PLXDC2: variants seen among roughly 807,000 people sequenced by gnomAD.
PLXDC2 encodes plexin domain-containing protein 2.
A neutral mutation model predicts 68.9 loss-of-function variants in PLXDC2; 40 were observed. That is an observed-to-expected ratio of 0.58 (90% confidence interval 0.45 to 0.76). The LOEUF is 0.76. Ranked by LOEUF, PLXDC2 falls within the 30% of genes least tolerant of loss-of-function variation. The pLI is 0.00. For missense variants in PLXDC2, 644 were observed against 661.9 expected, an observed-to-expected ratio of 0.97 and a Z score of 0.30; for synonymous variants, 243 against 234.2, an observed-to-expected ratio of 1.04 and a Z score of -0.34.
intron 1 of PLXDC2, among the ~76,000 whole-genome samples, chr10:19,915,153 A>G (rs1353889989): frequency 6.6e-6 from 1 of 152,094 alleles, no homozygotes; most frequent in Non-Finnish European, 1.5e-5. Flanking sequence ...CAACTCTGCC[A>G]TTTTAATATT....
intron 7 of PLXDC2, among the ~76,000 whole-genome samples, chr10:20,166,113 T>C (rs1339023899): frequency 6.6e-6 from 1 of 152,194 alleles, no homozygotes; most frequent in African/African-American, 2.4e-5. Flanking sequence ...TCTTTGGTTG[T>C]GACTTGAGGT....
At chr10:19,941,563 T>C (rs1005629544) in intron 1 of PLXDC2, among the ~76,000 whole-genome samples, 10 of 152,210 alleles carry the variant, frequency 6.6e-5, no homozygotes, top group African/African-American at 2.4e-4. Flanking sequence ...TGAACCTTTT[T>C]TAGGAATTCA....
At chr10:20,016,110 G>T (rs1026919123) in intron 2 of PLXDC2, among the ~76,000 whole-genome samples, 3 of 152,190 alleles carry the variant, frequency 2.0e-5, no homozygotes, top group Non-Finnish European at 4.4e-5. Context: ...GCCATGAAAT[G>T]ACTGGACTGT....
At chr10:20,002,892 C>A (rs1466772299) in intron 2 of PLXDC2, among the ~76,000 whole-genome samples, 4 of 151,968 alleles carry the variant, frequency 2.6e-5, no homozygotes, top group Non-Finnish European at 4.4e-5. Flanking sequence ...TGGCTTGGGG[C>A]CGAGAAGTTT....
intron 12 of PLXDC2, among the ~76,000 whole-genome samples, chr10:20,242,263 C>A (rs1835526344): frequency 6.6e-6 from 1 of 152,088 alleles, no homozygotes; most frequent in Non-Finnish European, 1.5e-5. Context: ...ATTTTAAGGG[C>A]AAAAACATAG....
chr10:20,035,611 G>C (rs868304576), intron 2 of PLXDC2, among the ~76,000 whole-genome samples: 2 of 152,008 alleles, frequency 1.3e-5, no homozygotes, highest in South Asian at 4.1e-4. Flanking sequence ...GAGGAGAATC[G>C]TTTGAACCCG....
At chr10:19,908,198 A>G (rs535921726) in intron 1 of PLXDC2, among the ~76,000 whole-genome samples, 34 of 152,280 alleles carry the variant, frequency 2.2e-4, no homozygotes, top group African/African-American at 7.9e-4. Context: ...TGTCAACATA[A>G]TTTATTTTAA....
intron 1 of PLXDC2, among the ~76,000 whole-genome samples, chr10:19,850,433 T>A (rs907605396): frequency 6.6e-6 from 1 of 152,192 alleles, no homozygotes; most frequent in Non-Finnish European, 1.5e-5. Context: ...CTGAGTTGTT[T>A]ATAGACGATG....
At chr10:20,149,182 C>A (rs1392583535) in intron 6 of PLXDC2, among the ~76,000 whole-genome samples, 1 of 140,386 alleles carries the variant, frequency 7.1e-6, no homozygotes, top group East Asian at 2.1e-4. Context: ...CGCCCAGGTA[C>A]TAAGCCTTGG....
rs1272826360 is a variant in PLXDC2 at position 20,284,863 on chromosome 10, T to C, written c.*5044T>C. ...TCTGTAATATAGAACATTGGATCAA[T>C]CTTTATCTTTTTGCTGACTTAAGGA... On this transcript the variant is annotated 3_prime_UTR_variant, in exon 14 of 14. Transcript: ENST00000377252. 2 of 152,174 alleles carry C rather than the reference T, an allele frequency of 1.3e-5. No individual in the cohort carries two copies. Among genetic ancestry groups the C allele is most frequent in the African/African-American group, 4.8e-5 (2 of 41,444 alleles). The allele number at this position is 152,174 out of a possible 1,614,324, so 9.4% of individuals were successfully genotyped here.
rs971630407 is a variant in PLXDC2, at chr10:20,283,465, A to C, written c.*3646A>C. On this transcript the variant is annotated 3_prime_UTR_variant, in exon 14 of 14. Coordinates refer to ENST00000377252, the MANE Select transcript of PLXDC2 (RefSeq NM_032812.9). Reference sequence around the variant, plus strand: ...TTTGCATTCAAAGGAAGAATAGTTCATCAGTGCAAAAAGCGTTCAAAGGTA... The same window carrying C: ...TTTGCATTCAAAGGAAGAATAGTTCCTCAGTGCAAAAAGCGTTCAAAGGTA... 6.6e-6 allele frequency: 1 copy of C among 152,262 alleles called. No individual in the cohort carries two copies. The highest frequency in any genetic ancestry group is 2.4e-5 in the African/African-American group (1 of 41,474). The allele number at this position is 152,262 out of a possible 1,614,324, so 9.4% of individuals were successfully genotyped here.
At chr10:20,107,425 T>G (rs1188889797) in intron 4 of PLXDC2, among the ~76,000 whole-genome samples, 2 of 152,170 alleles carry the variant, frequency 1.3e-5, no homozygotes, top group Admixed American at 1.3e-4. Flanking sequence ...AGAAGGCATA[T>G]GCATTGATGG....
intron 1 of PLXDC2, among the ~76,000 whole-genome samples, chr10:19,948,634 A>G (rs993584713): frequency 5.9e-5 from 9 of 151,974 alleles, no homozygotes; most frequent in Non-Finnish European, 1.3e-4. Flanking sequence ...GAAGGAAGAG[A>G]GACCTTAATG....
At chr10:19,956,637 A>G (rs1408986111) in intron 1 of PLXDC2, among the ~76,000 whole-genome samples, 1 of 152,236 alleles carries the variant, frequency 6.6e-6, no homozygotes, top group Non-Finnish European at 1.5e-5. Context: ...GCAAATGTAC[A>G]CATGGAAGGA....
At chr10:19,922,593 G>A (rs1833478007) in intron 1 of PLXDC2, among the ~76,000 whole-genome samples, 4 of 152,128 alleles carry the variant, frequency 2.6e-5, no homozygotes, top group South Asian at 2.1e-4. Context: ...TTTTCACTCA[G>A]TACAGTTTTG....
intron 2 of PLXDC2, among the ~76,000 whole-genome samples, chr10:20,012,834 G>A (rs1305656758): frequency 4.6e-5 from 7 of 152,176 alleles, no homozygotes; most frequent in Non-Finnish European, 2.9e-5. Context: ...AAACACTTCT[G>A]TTCATGCCCG....
intron 9 of PLXDC2, among the ~76,000 whole-genome samples, chr10:20,191,339 A>G (rs1191613046): frequency 1.3e-5 from 2 of 151,658 alleles, no homozygotes; most frequent in East Asian, 1.9e-4. Context: ...TTTTTCTTCA[A>G]TGACACTTCA....
Position 19,816,760 on chromosome 10 carries a change from C to T in PLXDC2, c.-320C>T. The T allele has an allele frequency of 2.2e-6, 1 of 452,590 alleles. No individual in the cohort carries two copies. The highest frequency in any genetic ancestry group is 4.0e-6 in the Non-Finnish European group (1 of 250,932). The allele number at this position is 452,590 out of a possible 1,614,324, so 28.0% of individuals were successfully genotyped here. A position where few individuals can be genotyped will look rare whatever the true frequency, so the allele number is the denominator to read the frequency against. ...CCGCGGGCACCGGGTTGGCGCTGCC[C>T]GAGTGGAACCGACAGTTTGCGAGCC... On this transcript the variant is annotated 5_prime_UTR_variant, in exon 1 of 14. Coordinates refer to ENST00000377252, the MANE Select transcript of PLXDC2 (RefSeq NM_032812.9).
intron 9 of PLXDC2, among the ~76,000 whole-genome samples, chr10:20,204,381 A>C (rs976398731): frequency 6.6e-6 from 1 of 152,132 alleles, no homozygotes; most frequent in African/African-American, 2.4e-5. Context: ...GGCTATAATC[A>C]CTGCTGTTTA....
Sources: allele counts gnomAD v4.1 joint callset (sites outside exome capture counted in the v4.1 genomes callset), GRCh38; gene constraint gnomAD v4.1.1; transcripts MANE v1.5; gene names NCBI Gene and HGNC (gene_info 2026-07-23, HGNC 2026-07-21).